Variants in MTHFD1 observed in about 807,000 individuals in gnomAD.
MTHFD1 encodes methylenetetrahydrofolate dehydrogenase, cyclohydrolase and formyltetrahydrofolate synthetase 1, also known as C-1-tetrahydrofolate synthase, cytoplasmic.
MTHFD1 carries 44 observed loss-of-function variants against 110.3 expected under a neutral mutation model. The ratio of observed to expected loss-of-function variants is 0.40; its 90% CI spans 0.31 to 0.51. The LOEUF is 0.51. MTHFD1 is among the 20% of genes least tolerant of loss of function. MTHFD1 has a pLI of 0.60. For missense variants in MTHFD1, 909 were observed against 1,173.1 expected, an observed-to-expected ratio of 0.77 and a Z score of 3.29; for synonymous variants, 402 against 428.8, an observed-to-expected ratio of 0.94 and a Z score of 0.77.
intron 13 of MTHFD1, among the ~76,000 whole-genome samples, 159 bp from the exon 14 acceptor site, chr14:64,431,373 T>C (rs2078158700): frequency 6.6e-6 from 1 of 152,202 alleles, no homozygotes; most frequent in African/African-American, 2.4e-5. Context: ...GCCAGTCATT[T>C]ATGTTTTCAA....
chr14:64,450,507 A>G (rs1042394122), intron 24 of MTHFD1, among the ~76,000 whole-genome samples: 4 of 152,208 alleles, frequency 2.6e-5, no homozygotes, highest in African/African-American at 7.2e-5. Context: ...TGCTTACTCT[A>G]TGATACAATA....
intron 15 of MTHFD1, 150 bp downstream of exon 15, chr14:64,432,011 A>G (rs775761386): frequency 4.5e-6 from 3 of 673,640 alleles, no homozygotes; most frequent in Non-Finnish European, 7.7e-6. Flanking sequence ...CATAGCAAAG[A>G]TGGATGGTAG....
At chr14:64,452,875 A>G (rs1220746916) in intron 24 of MTHFD1, among the ~76,000 whole-genome samples, 1 of 151,718 alleles carries the variant, frequency 6.6e-6, no homozygotes, top group Non-Finnish European at 1.5e-5. Flanking sequence ...TTTAATTTTT[A>G]TTATTATTTT....
rs566528755 is a variant in MTHFD1, at chr14:64,444,108, G to T, written c.2137-585G>T. ...TGAGCCACGGCATAGATCAAGACTG[G>T]GGGCTGGGGGGCGGGGCGGGGAGGC... On this transcript the variant is annotated intron_variant, in intron 21 of 27. Coordinates refer to ENST00000652337, the MANE Select transcript of MTHFD1 (RefSeq NM_005956.4). Among the ~76,000 whole-genome samples the T allele has an allele frequency of 5.9e-5, 9 of 152,128 alleles. No homozygotes were observed. In the South Asian group the frequency reaches 1.9e-3, roughly 32 times the overall value.
At chr14:64,397,239 G>T (rs2077864984) in intron 1 of MTHFD1, among the ~76,000 whole-genome samples, 1 of 57,108 alleles carries the variant, frequency 1.8e-5, no homozygotes, top group Non-Finnish European at 3.1e-5. Flanking sequence ...TCCTTGTTTA[G>T]AAGAAGACTT....
intron 17 of MTHFD1, 114 bp downstream of exon 17, chr14:64,439,286 C>T: frequency 6.1e-6 from 5 of 825,416 alleles, no homozygotes; most frequent in South Asian, 1.4e-5. Flanking sequence ...GTTCTGCCTT[C>T]TCCCTTTTAA....
At chr14:64,412,095 G>A (rs745449086) in intron 3 of MTHFD1, among the ~76,000 whole-genome samples, 10 of 152,100 alleles carry the variant, frequency 6.6e-5, no homozygotes, top group African/African-American at 9.7e-5. Context: ...AGCTCACTAC[G>A]AATTTCTTTG....
chr14:64,388,591 C>T (rs2077781821), intron 1 of MTHFD1, 123 bp downstream of exon 1: 1 of 852,018 alleles, frequency 1.2e-6, no homozygotes, highest in Non-Finnish European at 2.0e-6. Context: ...GCCCATAACA[C>T]CTGAAGACCT....
chr14:64,400,371 A>T (rs1042883444), intron 1 of MTHFD1, among the ~76,000 whole-genome samples: 25 of 144,818 alleles, frequency 1.7e-4, no homozygotes, highest in African/African-American at 6.4e-4. Flanking sequence ...CTGGGCAATG[A>T]GAGCAAAACT....
chr14:64,423,996 G>A (rs2078099709), intron 8 of MTHFD1, among the ~76,000 whole-genome samples: 1 of 152,212 alleles, frequency 6.6e-6, no homozygotes, highest in Non-Finnish European at 1.5e-5. Flanking sequence ...CAAAGTGCCT[G>A]CTAATCTCTT....
At chr14:64,411,031 C>A in intron 2 of MTHFD1, 59 bp from the exon 3 acceptor site, 1 of 1,179,724 alleles carries the variant, frequency 8.5e-7, no homozygotes. Flanking sequence ...ATTGTAGAAG[C>A]TTTTCTGTGC....
chr14:64,443,800 G>T (rs2078266901), intron 21 of MTHFD1, among the ~76,000 whole-genome samples: 1 of 152,058 alleles, frequency 6.6e-6, no homozygotes, highest in South Asian at 2.1e-4. Context: ...TGACCTCACA[G>T]TCAGGATAAT....
intron 15 of MTHFD1, among the ~76,000 whole-genome samples, chr14:64,433,714 A>AT (rs1170650639): frequency 0.13 from 16,250 of 128,364 alleles, 1,235 homozygotes; most frequent in East Asian, 0.26. Context: ...TGAGCTCAGC[A>AT]TTTTTTTTTT....
intron 15 of MTHFD1, among the ~76,000 whole-genome samples, chr14:64,435,069 C>T (rs1168673750): frequency 6.7e-6 from 1 of 148,782 alleles, no homozygotes; most frequent in Non-Finnish European, 1.5e-5. Context: ...GCTGTCTCAG[C>T]CTCCCAAGTA....
Position 64,442,034 on chromosome 14 carries a change from C to A in MTHFD1, c.1885-20C>A. 1 of 1,551,750 alleles carries A rather than the reference C, an allele frequency of 6.4e-7. No individual in the cohort carries two copies. Among genetic ancestry groups the A allele is most frequent in the Non-Finnish European group, 8.9e-7 (1 of 1,123,240 alleles). ...GAAGCAGGATTGGCAGCTCAGCTCA[C>A]GGTGTCCTGGTTTCCACAGGGCACT... On this transcript the variant is annotated intron_variant, in intron 19 of 27. Coordinates refer to ENST00000652337, the MANE Select transcript of MTHFD1 (RefSeq NM_005956.4).
intron 25 of MTHFD1, 118 bp downstream of exon 25, chr14:64,453,979 C>T: frequency 1.4e-6 from 1 of 712,046 alleles, no homozygotes; most frequent in Non-Finnish European, 2.6e-6. Context: ...GGGTGGCAGC[C>T]TTCTCTCCTC....
intron 12 of MTHFD1, among the ~76,000 whole-genome samples, chr14:64,428,405 C>T (rs1451912109): frequency 1.3e-5 from 2 of 151,734 alleles, no homozygotes; most frequent in Non-Finnish European, 2.9e-5. Flanking sequence ...CATGAGCCAC[C>T]GTGCCAAGCT....
rs991768162 is a variant in MTHFD1 at position 64,454,841 on chromosome 14, T to C, written c.2684T>C (p.Val895Ala). Residue 895 changes from valine (V) to alanine (A), a missense_variant, in exon 26 of 28, where the codon GTT (valine) becomes GCT (alanine). Val to Ala is a moderately conservative substitution (Grantham distance 64). Around this residue, in one of 3 missense-constraint regions of MTHFD1, gnomAD observed 482 missense variants for 646.0 expected, o/e 0.75. Transcript: ENST00000652337. ...ILPIRDIRAS[V>A]GAGFLYPLVG... ...CCCATTCGCGACATCCGCGCCAGCG[T>C]TGGGGCTGGTTTTCTGTACCCCTTA... 7 of 1,614,058 alleles carry C rather than the reference T, an allele frequency of 4.3e-6. No homozygotes were observed. The highest frequency in any genetic ancestry group is 4.0e-5 in the African/African-American group (3 of 74,914).
chr14:64,407,158 A>T (rs2077941940), intron 2 of MTHFD1, among the ~76,000 whole-genome samples: 1 of 152,092 alleles, frequency 6.6e-6, no homozygotes, highest in African/African-American at 2.4e-5. Context: ...TTAAGACTTG[A>T]CTTTTCATTA....
Sources: allele counts gnomAD v4.1 joint callset (sites outside exome capture counted in the v4.1 genomes callset), GRCh38; gene constraint gnomAD v4.1.1; regional missense constraint gnomAD v4.1.1; transcripts MANE v1.5; gene names NCBI Gene and HGNC (gene_info 2026-07-23, HGNC 2026-07-21).